Variants in ATP6V0D2 observed in about 807,000 individuals in gnomAD.
The protein encoded by ATP6V0D2 is ATPase H+ transporting V0 subunit d2, also known as V-type proton ATPase subunit d 2.
ATP6V0D2 carries 40 observed loss-of-function variants against 40.0 expected under a neutral mutation model. That is an observed-to-expected ratio of 1.00 (90% confidence interval 0.78 to 1.30). ATP6V0D2 has a LOEUF of 1.30. Ranked by LOEUF, ATP6V0D2 falls within the 50% of genes most tolerant of loss-of-function variation. The pLI is 0.00. For missense variants in ATP6V0D2, 470 were observed against 423.1 expected (o/e 1.11, Z -0.97); for synonymous variants, 179 against 156.3 (o/e 1.15, Z -1.08).
chr8:86,118,933 G>C (rs2130245749), intron 2 of ATP6V0D2, among the ~76,000 whole-genome samples: 1 of 152,242 alleles, frequency 6.6e-6, no homozygotes, highest in South Asian at 2.1e-4. Flanking sequence ...GATCTAACGA[G>C]CGGTGGAGTC....
At chr8:86,105,347 G>C (rs1260599602) in intron 1 of ATP6V0D2, among the ~76,000 whole-genome samples, 1 of 152,084 alleles carries the variant, frequency 6.6e-6, no homozygotes, top group African/African-American at 2.4e-5. Flanking sequence ...ACCCAGGCTG[G>C]AGTGCAGTGG....
intron 2 of ATP6V0D2, among the ~76,000 whole-genome samples, chr8:86,119,943 G>A (rs1372129610): frequency 1.3e-5 from 2 of 152,044 alleles, no homozygotes; most frequent in Non-Finnish European, 2.9e-5. Context: ...TACTTTACAC[G>A]GAGCTAGAAA....
chr8:86,141,382 G>A, intron 3 of ATP6V0D2, 68 bp from the exon 4 acceptor site: 2 of 1,202,048 alleles, frequency 1.7e-6, no homozygotes, highest in Non-Finnish European at 2.4e-6. Flanking sequence ...GTGTGTTCAG[G>A]ATACGTTTTC....
chr8:86,100,225 T>C (rs1818378007), intron 1 of ATP6V0D2, among the ~76,000 whole-genome samples: 1 of 152,054 alleles, frequency 6.6e-6, no homozygotes, highest in Non-Finnish European at 1.5e-5. Flanking sequence ...ATTTTTTTTT[T>C]CAAAACCTTA....
At chr8:86,131,907 C>T (rs1198420408) in intron 2 of ATP6V0D2, among the ~76,000 whole-genome samples, 1 of 152,152 alleles carries the variant, frequency 6.6e-6, no homozygotes, top group Non-Finnish European at 1.5e-5. Flanking sequence ...GCAACCTTTC[C>T]ACTGTTATAC....
intron 2 of ATP6V0D2, 37 bp downstream of exon 2, chr8:86,113,917 T>C: frequency 1.3e-6 from 2 of 1,569,554 alleles, no homozygotes; most frequent in South Asian, 1.2e-5. Flanking sequence ...AGCCCCAATG[T>C]ACTCGTGCGG....
At chr8:86,099,576 C>A (rs1004277180) in intron 1 of ATP6V0D2, among the ~76,000 whole-genome samples, 4 of 152,180 alleles carry the variant, frequency 2.6e-5, no homozygotes, top group African/African-American at 9.7e-5. Flanking sequence ...TCACCACAAC[C>A]TCCGCCTCCC....
At chr8:86,124,814 A>G (rs1586093147) in intron 2 of ATP6V0D2, among the ~76,000 whole-genome samples, 4 of 152,328 alleles carry the variant, frequency 2.6e-5, no homozygotes. Flanking sequence ...CCAAGCATTG[A>G]GTCCTCTGTG....
At chr8:86,110,873 T>G (rs1161077958) in intron 1 of ATP6V0D2, among the ~76,000 whole-genome samples, 2 of 152,108 alleles carry the variant, frequency 1.3e-5, no homozygotes, top group Non-Finnish European at 2.9e-5. Flanking sequence ...AGGACTGGCA[T>G]CATAAGACCT....
At chr8:86,112,470 G>A (rs1197089750) in intron 1 of ATP6V0D2, among the ~76,000 whole-genome samples, 1 of 152,072 alleles carries the variant, frequency 6.6e-6, no homozygotes, top group East Asian at 1.9e-4. Context: ...GAGCTTCAGT[G>A]TTCTTATCTG....
intron 1 of ATP6V0D2, among the ~76,000 whole-genome samples, chr8:86,108,801 C>T (rs1818500755): frequency 1.3e-5 from 2 of 152,204 alleles, no homozygotes; most frequent in South Asian, 2.1e-4. Flanking sequence ...TCTAACTTCC[C>T]TATAGCCAAG....
chr8:86,139,516 C>A lies in ATP6V0D2; in HGVS notation c.362C>A (p.Ser121Tyr). ...LLMNGALQKK[S>Y]VKEILGKCHP... is the part of the protein sequence containing the mutation. ...ATGAATGGTGCATTGCAGAAAAAAT[C>A]TGTGAAAGAAATTCTGGGGAAGTGC... is the stretch of plus-strand genomic sequence containing the variant. Residue 121 changes from serine (S) to tyrosine (Y), a missense_variant, in exon 3 of 8, where the codon TCT becomes TAT. Physicochemically the swap from Ser to Tyr is moderately radical, Grantham distance 144 (BLOSUM62 -2). Coordinates refer to ENST00000285393, the MANE Select transcript of ATP6V0D2 (RefSeq NM_152565.1). The A allele has an allele frequency of 6.2e-7, 1 of 1,613,710 alleles. No individual in the cohort carries two copies. Among genetic ancestry groups the A allele is most frequent in the Non-Finnish European group, 8.5e-7 (1 of 1,179,830 alleles).
rs185747817 is a variant in ATP6V0D2 at position 86,151,286 on chromosome 8, C to G, written c.817-180C>G. 7.6e-3 allele frequency among the ~76,000 whole-genome samples: 1,152 copies of G among 152,126 alleles called. 13 individuals carry two copies. Among genetic ancestry groups the G allele is most frequent in the Admixed American group, 0.014 (220 of 15,274 alleles). On this transcript the variant is annotated intron_variant, in intron 6 of 7. Coordinates refer to ENST00000285393, the MANE Select transcript of ATP6V0D2 (RefSeq NM_152565.1). ...AATAGGCTAGAATTTCATCCACACT[C>G]TTGTTATTTGGATTTTTTTATTGTT... is the stretch of plus-strand genomic sequence containing the variant.
intron 6 of ATP6V0D2, among the ~76,000 whole-genome samples, chr8:86,150,921 G>A (rs528084613): frequency 6.6e-5 from 10 of 152,284 alleles, no homozygotes; most frequent in Admixed American, 4.6e-4. Flanking sequence ...TCCAGGGCTA[G>A]AATGACACTC....
intron 7 of ATP6V0D2, among the ~76,000 whole-genome samples, chr8:86,151,838 T>C (rs73263105): frequency 0.056 from 8,416 of 151,368 alleles, 775 homozygotes; most frequent in African/African-American, 0.19. Context: ...CAATTCCTCA[T>C]GGAATTTGCT....
intron 7 of ATP6V0D2, among the ~76,000 whole-genome samples, chr8:86,151,755 CTT>C (rs564476016): frequency 0.1 from 8,674 of 85,398 alleles, 766 homozygotes; most frequent in African/African-American, 0.26. Flanking sequence ...GCTTTTCTTT[CTT>C]TTTTTTTTTT....
intron 2 of ATP6V0D2, among the ~76,000 whole-genome samples, chr8:86,135,278 G>T (rs925339416): frequency 7.9e-5 from 12 of 152,148 alleles, no homozygotes. Context: ...AACTGTTATA[G>T]CAGCAGAATG....
chr8:86,109,483 A>T (rs1028419768), intron 1 of ATP6V0D2, among the ~76,000 whole-genome samples: 8 of 152,098 alleles, frequency 5.3e-5, no homozygotes, highest in African/African-American at 7.2e-5. Flanking sequence ...TCCACTTTTC[A>T]CTGATTACAG....
chr8:86,109,349 T>C (rs1157186018), intron 1 of ATP6V0D2, among the ~76,000 whole-genome samples: 1 of 152,178 alleles, frequency 6.6e-6, no homozygotes, highest in Non-Finnish European at 1.5e-5. Flanking sequence ...CTATGAGTAC[T>C]GTTGTTATTA....
Sources: gnomAD v4.1 joint callset for allele counts (sites outside exome capture counted in the v4.1 genomes callset) on GRCh38, gnomAD v4.1.1 for gene constraint, MANE v1.5 for transcripts, NCBI Gene and HGNC (gene_info 2026-07-23, HGNC 2026-07-21) for gene names.